The following SMG7 variants were observed in gnomAD, a reference collection of about 807,000 sequenced individuals.
SMG7 encodes the protein nonsense-mediated mRNA decay factor SMG7.
A neutral mutation model predicts 148.2 loss-of-function variants in SMG7; 34 were observed. The ratio of observed to expected loss-of-function variants is 0.23; its 90% CI spans 0.17 to 0.31. The LOEUF (loss-of-function observed/expected upper bound fraction) is 0.31, where lower values mean the gene tolerates loss of function less well. Among genes scored for constraint, SMG7 ranks in the 10% least tolerant of loss-of-function variants. The probability of loss-of-function intolerance (pLI) is 1.00; values close to 1 mark genes in which losing one functional copy is unlikely to be tolerated. For synonymous variants in SMG7, 492 were observed against 515.1 expected (o/e 0.96, Z 0.61); for missense variants, 1,114 against 1,408.4 (o/e 0.79, Z 3.35).
At chr1:183,507,634 A>G (rs1217165767) in intron 1 of SMG7, among the ~76,000 whole-genome samples, 2 of 152,230 alleles carry the variant, frequency 1.3e-5, no homozygotes, top group Non-Finnish European at 2.9e-5. Context: ...AGTAAACGCT[A>G]CATATAGTGT....
intron 17 of SMG7, 113 bp from the exon 18 acceptor site, chr1:183,546,990 C>A: frequency 9.9e-7 from 1 of 1,012,174 alleles, no homozygotes; most frequent in Non-Finnish European, 1.4e-6. Flanking sequence ...CTAATACCAT[C>A]TATCTCACTA....
chr1:183,527,643 C>CT lies in SMG7; in HGVS notation c.485-311dup, dbSNP rs1666120925. 1 of 495,158 alleles carries CT rather than the reference C, an allele frequency of 2.0e-6. No homozygotes were observed. The highest frequency in any genetic ancestry group is 1.5e-5 in the South Asian group (1 of 64,800). 30.7% of individuals were successfully genotyped at this position (495,158 alleles called of 1,614,324 possible). The stretch of plus-strand genomic sequence containing the variant: ...TTTTTAAGTGCCATATAACTCACCC[C>CT]TTCTTGTGGGCCGGCTCCAGGTCAC... On this transcript the variant is annotated intron_variant, in intron 5 of 22. Coordinates refer to ENST00000688051, the MANE Select transcript of SMG7 (RefSeq NM_001375584.1). The surrounding 1 kb of genome is among the most constrained non-coding windows in gnomAD (Gnocchi z 4.0).
At chr1:183,522,943 A>AT (rs951228066) in intron 4 of SMG7, among the ~76,000 whole-genome samples, 9 of 151,416 alleles carry the variant, frequency 5.9e-5, no homozygotes, top group South Asian at 2.1e-4. Flanking sequence ...ACCTTTTTTT[A>AT]TTTTTTGTAG....
At chr1:183,474,196 G>T (rs1651500620) in intron 1 of SMG7, among the ~76,000 whole-genome samples, 1 of 152,214 alleles carries the variant, frequency 6.6e-6, no homozygotes, top group Non-Finnish European at 1.5e-5. Context: ...GTGCTGATTA[G>T]TCTTAAGGAA....
At chr1:183,504,969 T>G (rs1660573664) in intron 1 of SMG7, among the ~76,000 whole-genome samples, 1 of 152,206 alleles carries the variant, frequency 6.6e-6, no homozygotes, top group Admixed American at 6.5e-5. Context: ...TATTTCCTTC[T>G]ATCTCTTCCA....
chr1:183,472,752 C>T, intron 1 of SMG7, 103 bp downstream of exon 1: 1 of 1,068,348 alleles, frequency 9.4e-7, no homozygotes, highest in Non-Finnish European at 1.3e-6. Context: ...GGAGTTGCTG[C>T]GTCCTCTCCT....
intron 1 of SMG7, among the ~76,000 whole-genome samples, chr1:183,494,670 G>A (rs1018133572): frequency 1.3e-5 from 2 of 149,298 alleles, no homozygotes; most frequent in Non-Finnish European, 3.0e-5. Context: ...TTATAGATTG[G>A]CATTTTTTCC....
chr1:183,548,122 A>G (rs1049480435), intron 18 of SMG7, among the ~76,000 whole-genome samples: 1 of 152,248 alleles, frequency 6.6e-6, no homozygotes, highest in African/African-American at 2.4e-5. Context: ...GTCAAGAGAA[A>G]TAAAACCTTA....
chr1:183,499,389 C>T (rs1659263023), intron 1 of SMG7, among the ~76,000 whole-genome samples: 2 of 152,172 alleles, frequency 1.3e-5, no homozygotes, highest in Non-Finnish European at 1.5e-5. Context: ...TCCCGATGCT[C>T]CACATTCTCA....
rs1666098927 is a variant in SMG7 at position 183,527,553 on chromosome 1, T to C, written c.485-403T>C. 2.2e-6 allele frequency: 1 copy of C among 456,176 alleles called. No homozygotes were observed. 28.3% of individuals were successfully genotyped at this position (456,176 alleles called of 1,614,324 possible). On this transcript the variant is annotated intron_variant, in intron 5 of 22. Coordinates refer to ENST00000688051, the MANE Select transcript of SMG7 (RefSeq NM_001375584.1). The surrounding 1 kb of genome is among the most constrained non-coding windows in gnomAD (Gnocchi z 4.0). ...GAATGAGACATTTTTCAAAATCACT[T>C]TATAAAATATTGAAAAATACATAAT...
chr1:183,522,641 T>G (rs987563325), intron 4 of SMG7, among the ~76,000 whole-genome samples: 2 of 152,230 alleles, frequency 1.3e-5, no homozygotes, highest in Non-Finnish European at 1.5e-5. Flanking sequence ...GTTCATCTTA[T>G]AATTTATGGT....
intron 1 of SMG7, among the ~76,000 whole-genome samples, chr1:183,499,061 T>G (rs908260064): frequency 2.0e-5 from 3 of 152,252 alleles, no homozygotes; most frequent in Admixed American, 2.0e-4. Flanking sequence ...TTCATGTCTT[T>G]TCATGGTTTG....
chr1:183,492,733 T>A (rs556169210), intron 1 of SMG7, among the ~76,000 whole-genome samples: 23 of 152,310 alleles, frequency 1.5e-4, no homozygotes, highest in African/African-American at 5.3e-4. Flanking sequence ...CCTTCTACTT[T>A]ATTTGGATTT....
At position 183,553,398 on chromosome 1, in the gene SMG7, A is replaced by C. The variant is rs1309609125; in HGVS notation, c.*1467A>C. ...GGAGGTCTCTCCTTTGTGTGTCTGT[A>C]TGTTTGTGTACACACACGTGCCCAT... is the stretch of plus-strand genomic sequence containing the variant. On this transcript the variant is annotated 3_prime_UTR_variant, in exon 23 of 23. Coordinates refer to ENST00000688051, the MANE Select transcript of SMG7 (RefSeq NM_001375584.1). 8 of 604,244 alleles carry C rather than the reference A, an allele frequency of 1.3e-5. No individual in the cohort carries two copies. Among genetic ancestry groups the C allele is most frequent in the East Asian group, 3.0e-5 (1 of 33,164 alleles). The allele number at this position is 604,244 out of a possible 1,614,324, so 37.4% of individuals were successfully genotyped here.
intron 7 of SMG7, 139 bp from the exon 8 acceptor site, chr1:183,529,259 A>G (rs1666440778): frequency 1.0e-6 from 1 of 993,922 alleles, no homozygotes; most frequent in East Asian, 2.5e-5. Context: ...ATACTGACTC[A>G]TCTTGAGTGT....
intron 1 of SMG7, among the ~76,000 whole-genome samples, chr1:183,490,514 T>C (rs548363456): frequency 1.1e-4 from 16 of 152,316 alleles, no homozygotes; most frequent in Non-Finnish European, 2.2e-4. Context: ...AATGTATATC[T>C]GCATTGAATA....
chr1:183,550,132 ATCC>A, intron 20 of SMG7: 1 of 494,364 alleles, frequency 2.0e-6, no homozygotes, highest in Non-Finnish European at 3.6e-6. Context: ...AACTTTTTAC[ATCC>A]TCAGTAGCCA....
chr1:183,550,628 T>C, intron 20 of SMG7, 123 bp from the exon 21 acceptor site: 1 of 937,918 alleles, frequency 1.1e-6, no homozygotes, highest in Non-Finnish European at 1.6e-6. Flanking sequence ...AGTTTCCCTT[T>C]CCTTCAAAGC....
chr1:183,549,673 A>C, intron 19 of SMG7, 91 bp from the exon 20 acceptor site: 1 of 974,894 alleles, frequency 1.0e-6, no homozygotes. Flanking sequence ...GAAAAGCTTA[A>C]GGTGTACCAA....
Sources: gnomAD v4.1 joint callset for allele counts (sites outside exome capture counted in the v4.1 genomes callset) on GRCh38, gnomAD v4.1.1 for gene constraint, Gnocchi (gnomAD v3.1) non-coding constraint, MANE v1.5 for transcripts, NCBI Gene and HGNC (gene_info 2026-07-23, HGNC 2026-07-21) for gene names.